The following FSTL5 variants were observed in gnomAD, a reference collection of about 807,000 sequenced individuals.
FSTL5 encodes follistatin like 5.
A neutral mutation model predicts 89.1 loss-of-function variants in FSTL5; 62 were observed. The observed-to-expected ratio is 0.70, with a 90% confidence interval of 0.57 to 0.86. The LOEUF is 0.86. Ranked by LOEUF, FSTL5 falls within the 40% of genes least tolerant of loss-of-function variation. The pLI, the probability that FSTL5 is intolerant of heterozygous loss-of-function variation, is 0.00. For synonymous variants in FSTL5, 383 were observed against 346.2 expected (o/e 1.11, Z -1.18); for missense variants, 1,057 against 1,001.6 (o/e 1.06, Z -0.75).
chr4:161,513,405 G>C (rs761502545), intron 10 of FSTL5, among the ~76,000 whole-genome samples: 2 of 151,722 alleles, frequency 1.3e-5, no homozygotes, highest in African/African-American at 2.4e-5. Context: ...TGGGTACTTG[G>C]TTTAATACCA....
chr4:161,751,654 T>G (rs1740396221), intron 6 of FSTL5, among the ~76,000 whole-genome samples: 1 of 151,896 alleles, frequency 6.6e-6, no homozygotes, highest in South Asian at 2.1e-4. Flanking sequence ...GGTGGCACAC[T>G]CTTGTAGCCT....
At chr4:162,042,212 T>C (rs1737992173) in intron 2 of FSTL5, 1 of 152,022 alleles carries the variant, frequency 6.6e-6, no homozygotes, top group Non-Finnish European at 1.5e-5. Flanking sequence ...TTGAAAATAA[T>C]GGGAAAATAT....
intron 11 of FSTL5, among the ~76,000 whole-genome samples, chr4:161,503,332 G>T (rs1261115290): frequency 6.6e-6 from 1 of 151,688 alleles, no homozygotes; most frequent in African/African-American, 2.4e-5. Context: ...ACCAGACTTT[G>T]ATAACTATTC....
chr4:162,114,737 G>C (rs1358683493), intron 1 of FSTL5, among the ~76,000 whole-genome samples: 1 of 152,086 alleles, frequency 6.6e-6, no homozygotes, highest in Non-Finnish European at 1.5e-5. Context: ...CAGTAAGCTA[G>C]AAATATCTAC....
At chr4:162,127,151 T>C (rs151119411) in intron 1 of FSTL5, among the ~76,000 whole-genome samples, 10 of 152,310 alleles carry the variant, frequency 6.6e-5, no homozygotes, top group African/African-American at 2.2e-4. Flanking sequence ...TAATAGAAAG[T>C]TGTCTTCCCC....
At chr4:161,847,208 C>T (rs1731398330) in intron 4 of FSTL5, among the ~76,000 whole-genome samples, 1 of 151,752 alleles carries the variant, frequency 6.6e-6, no homozygotes, top group African/African-American at 2.4e-5. Context: ...TCCAAATGTC[C>T]CATGCAAAGT....
intron 1 of FSTL5, among the ~76,000 whole-genome samples, chr4:162,135,268 A>G (rs1237022020): frequency 6.6e-6 from 1 of 152,010 alleles, no homozygotes; most frequent in East Asian, 1.9e-4. Context: ...TTTTATTTAT[A>G]TTTAAAACAT....
intron 7 of FSTL5, among the ~76,000 whole-genome samples, chr4:161,639,338 A>T (rs913417534): frequency 2.6e-4 from 40 of 152,194 alleles, no homozygotes; most frequent in Non-Finnish European, 4.4e-4. Flanking sequence ...CACTTTGCAT[A>T]AGCTACCTAT....
rs1561000539 is a variant in FSTL5, at chr4:162,066,352, TCTCCTTCTTCTTCTTCTTCTC to T, written c.127-32715_127-32695del. Among the ~76,000 whole-genome samples the T allele has an allele frequency of 5.2e-3, 651 of 124,368 alleles. 13 individuals are homozygous for T. The highest frequency in any genetic ancestry group is 0.041 in the East Asian group (137 of 3,356). 81.6% of individuals were successfully genotyped at this position (124,368 alleles called of 152,430 possible). On this transcript the variant is annotated intron_variant, in intron 2 of 15. Coordinates refer to ENST00000306100, the MANE Select transcript of FSTL5 (RefSeq NM_020116.5). ...TTCTTCTTCTTCTTCTTCTTCTTCTTCTCCTTCTTCTTCTTCTTCTCCTTCTTCTTCTTCTTCATTTTCCTT... is the reference window on the plus strand; with the variant it reads ...TTCTTCTTCTTCTTCTTCTTCTTCTTCTTCTTCTTCTTCTTCATTTTCCTT...
At chr4:161,462,687 A>T (rs1733622102) in intron 13 of FSTL5, among the ~76,000 whole-genome samples, 1 of 151,902 alleles carries the variant, frequency 6.6e-6, no homozygotes. Context: ...GGTGAATATT[A>T]AGTACCATGG....
chr4:161,773,920 C>A (rs1741300249), intron 5 of FSTL5, among the ~76,000 whole-genome samples: 1 of 151,986 alleles, frequency 6.6e-6, no homozygotes, highest in African/African-American at 2.4e-5. Context: ...TTGTCAATTG[C>A]AAAACTATGG....
intron 6 of FSTL5, among the ~76,000 whole-genome samples, chr4:161,753,055 C>T (rs1000992367): frequency 1.3e-5 from 2 of 152,116 alleles, no homozygotes; most frequent in Non-Finnish European, 2.9e-5. Context: ...GTTATGATAT[C>T]CACTAAGACG....
At chr4:161,995,270 ATTAG>A (rs1560959257) in intron 3 of FSTL5, among the ~76,000 whole-genome samples, 1 of 152,182 alleles carries the variant, frequency 6.6e-6, no homozygotes, top group Non-Finnish European at 1.5e-5. Flanking sequence ...CATCCATAGC[ATTAG>A]TTACTTAGAA....
At chr4:161,771,664 C>G (rs1579080341) in intron 5 of FSTL5, among the ~76,000 whole-genome samples, 1 of 151,906 alleles carries the variant, frequency 6.6e-6, no homozygotes, top group South Asian at 2.1e-4. Context: ...TGTTGATGTC[C>G]CTTCTTCAGT....
chr4:161,792,900 C>A (rs1729523227), intron 4 of FSTL5, among the ~76,000 whole-genome samples: 1 of 152,338 alleles, frequency 6.6e-6, no homozygotes, highest in South Asian at 2.1e-4. Context: ...AACATCCCCT[C>A]CCCCACTTGC....
At chr4:161,935,539 A>T (rs1313462541) in intron 3 of FSTL5, among the ~76,000 whole-genome samples, 1 of 152,194 alleles carries the variant, frequency 6.6e-6, no homozygotes, top group Non-Finnish European at 1.5e-5. Flanking sequence ...CTACCTAGAC[A>T]AAGATCTCTT....
chr4:161,611,650 A>G (rs1379287549), intron 7 of FSTL5, among the ~76,000 whole-genome samples: 2 of 152,178 alleles, frequency 1.3e-5, no homozygotes, highest in African/African-American at 2.4e-5. Flanking sequence ...AGGGAGGAGC[A>G]TCATACAGTG....
chr4:161,717,988 C>A (rs181760884), intron 6 of FSTL5, among the ~76,000 whole-genome samples: 1 of 152,026 alleles, frequency 6.6e-6, no homozygotes, highest in African/African-American at 2.4e-5. Flanking sequence ...GTTATGGAGT[C>A]AAAAAGAAAA....
In FSTL5 at chr4:161,769,005, A is replaced by C. The variant is rs549582675; in HGVS notation, c.606+6873T>G. ...AAATAAAAATCAGAGATGAAAAACTAGACATTAAAACTGATACTACAGAAA... is the reference window on the plus strand; with the variant it reads ...AAATAAAAATCAGAGATGAAAAACTCGACATTAAAACTGATACTACAGAAA... On this transcript the variant is annotated intron_variant, in intron 5 of 15. Coordinates refer to ENST00000306100, the MANE Select transcript of FSTL5 (RefSeq NM_020116.5). Among the ~76,000 whole-genome samples, 32 of 152,066 alleles carry C rather than the reference A, an allele frequency of 2.1e-4. No individual in the cohort carries two copies. The South Asian group carries it at 6.6e-3, about 31-fold the overall frequency.
Sources: allele counts gnomAD v4.1 joint callset (sites outside exome capture counted in the v4.1 genomes callset), GRCh38; gene constraint gnomAD v4.1.1; transcripts MANE v1.5; gene names NCBI Gene and HGNC (gene_info 2026-07-23, HGNC 2026-07-21).